The following PHACTR2 variants were observed in gnomAD, a reference collection of about 807,000 sequenced individuals.
PHACTR2 encodes phosphatase and actin regulator 2, also known as chromosome 6 open reading frame 56.
In PHACTR2, 30 loss-of-function variants were observed where a neutral mutation model predicts 76.0. That is an observed-to-expected ratio of 0.39 (90% CI 0.30 to 0.54). The LOEUF (loss-of-function observed/expected upper bound fraction) is 0.54. Ranked by LOEUF, PHACTR2 falls within the 20% of genes least tolerant of loss-of-function variation. The pLI, the probability that PHACTR2 is intolerant of heterozygous loss-of-function variation, is 0.61. For missense variants in PHACTR2, 696 were observed against 781.1 expected, an observed-to-expected ratio of 0.89 and a Z score of 1.30; for synonymous variants, 292 against 292.5, an observed-to-expected ratio of 1.00 and a Z score of 0.02.
In PHACTR2 at chr6:143,672,655, C is replaced by T. The variant is rs531096874; in HGVS notation, c.14-39361C>T. Among the ~76,000 whole-genome samples the T allele has an allele frequency of 9.9e-5, 15 of 152,266 alleles. No individual in the cohort carries two copies. Among genetic ancestry groups the T allele is most frequent in the African/African-American group, 3.6e-4 (15 of 41,560 alleles). ...GTAATTTGCTAAAGTTCAGAGCCTTCTCTGTACTAACCTACTGGGCATCCC... is the reference window on the plus strand; with the variant it reads ...GTAATTTGCTAAAGTTCAGAGCCTTTTCTGTACTAACCTACTGGGCATCCC... On this transcript the variant is annotated intron_variant, in intron 1 of 11. Coordinates refer to the PHACTR2 transcript ENST00000305766. This position sits in a 1 kb window ranked among gnomAD's most constrained non-coding sequence, Gnocchi z 5.8.
At chr6:143,804,116 T>G (rs187169494) in intron 11 of PHACTR2, among the ~76,000 whole-genome samples, 1 of 152,208 alleles carries the variant, frequency 6.6e-6, no homozygotes, top group Non-Finnish European at 1.5e-5. Context: ...TTCTGAGTTA[T>G]GAATTTGGGA....
intron 1 of PHACTR2, among the ~76,000 whole-genome samples, chr6:143,705,292 C>CT (rs1452225859): frequency 6.3e-5 from 7 of 111,938 alleles, no homozygotes; most frequent in African/African-American, 1.9e-4. Context: ...CTAATTTTTG[C>CT]ATTTTTTTTT....
chr6:143,816,351 T>C lies in PHACTR2; in HGVS notation c.1923-7323T>C, dbSNP rs1776295799. The stretch of plus-strand genomic sequence containing the variant: ...GAGTATTTTGCATTTTCAGTACCTC[T>C]AACCACAGCGTTTTAGAGCTGAATT... On this transcript the variant is annotated intron_variant, in intron 12 of 12. Transcript: ENST00000440869. This position sits in a 1 kb window ranked among gnomAD's most constrained non-coding sequence, Gnocchi z 4.5. 1.3e-5 allele frequency among the ~76,000 whole-genome samples: 2 copies of C among 152,202 alleles called. No homozygotes were observed. Among genetic ancestry groups the C allele is most frequent in the Admixed American group, 6.5e-5 (1 of 15,278 alleles).
rs1028729153 is a variant in PHACTR2, at chr6:143,549,312, G to A, written c.217+12105G>A. Among the ~76,000 whole-genome samples, 4 of 152,066 alleles carry A rather than the reference G, an allele frequency of 2.6e-5. No homozygotes were observed. Among genetic ancestry groups the A allele is most frequent in the African/African-American group, 7.2e-5 (3 of 41,440 alleles). On this transcript the variant is annotated intron_variant, in intron 1 of 11. Transcript: ENST00000367584. This position sits in a 1 kb window ranked among gnomAD's most constrained non-coding sequence, Gnocchi z 4.2. ...CAAACCCTTGCTTTCTGGGGATTAC[G>A]TCCCCAAGGGTGACCCTGGATTCAG...
intron 1 of PHACTR2, among the ~76,000 whole-genome samples, chr6:143,638,616 T>A (rs1175183705): frequency 6.6e-6 from 1 of 151,062 alleles, no homozygotes; most frequent in African/African-American, 2.4e-5. Flanking sequence ...TATCCAAGTT[T>A]TGAGCTAATT....
At chr6:143,637,479 T>C (rs940999025) in intron 1 of PHACTR2, among the ~76,000 whole-genome samples, 2 of 152,214 alleles carry the variant, frequency 1.3e-5, no homozygotes, top group African/African-American at 4.8e-5. Context: ...TTTGCGAAAT[T>C]GAAGTATATT....
Position 143,754,475 on chromosome 6 carries a change from C to T in PHACTR2, c.454+563C>T, listed in dbSNP as rs989564066. 1.3e-5 allele frequency among the ~76,000 whole-genome samples: 2 copies of T among 152,196 alleles called. No homozygotes were observed. The highest frequency in any genetic ancestry group is 2.9e-5 in the Non-Finnish European group (2 of 68,032). ...TGTGGTTGCTCTGCTGGCTGATTCC[C>T]ACAGCCTCTGTGCAATTGGAAACTT... On this transcript the variant is annotated intron_variant, in intron 4 of 12. Coordinates refer to ENST00000440869, the MANE Select transcript of PHACTR2 (RefSeq NM_001100164.2). This position sits in a 1 kb window ranked among gnomAD's most constrained non-coding sequence, Gnocchi z 6.2.
At chr6:143,756,624 G>T (rs1388352804) in intron 4 of PHACTR2, among the ~76,000 whole-genome samples, 1 of 151,096 alleles carries the variant, frequency 6.6e-6, no homozygotes. Context: ...GCGTGAACCC[G>T]GGAGGCGGAG....
rs71024875 is a variant in PHACTR2, at chr6:143,751,791, T to TACACACACACAC, written c.296-1940_296-1929dup. ...TCCTTTGCTCTGCTTGTATTTTACT[T>TACACACACACAC]ACACACACACACACACACACACACA... On this transcript the variant is annotated intron_variant, in intron 3 of 12. Coordinates refer to ENST00000440869, the MANE Select transcript of PHACTR2 (RefSeq NM_001100164.2). The surrounding 1 kb of genome is among the most constrained non-coding windows in gnomAD (Gnocchi z 5.7). Among the ~76,000 whole-genome samples, 24,315 of 139,988 alleles carry TACACACACACAC rather than the reference T, an allele frequency of 0.17. 2,445 individuals carry two copies. The highest frequency in any genetic ancestry group is 0.25 in the East Asian group (1,154 of 4,626). 91.8% of individuals were successfully genotyped at this position (139,988 alleles called of 152,430 possible). A position where few individuals can be genotyped will look rare whatever the true frequency, so the allele number is the denominator to read the frequency against.
intron 1 of PHACTR2, among the ~76,000 whole-genome samples, chr6:143,640,855 T>G (rs1033081994): frequency 1.3e-5 from 2 of 152,186 alleles, no homozygotes; most frequent in South Asian, 2.1e-4. Flanking sequence ...GATCTTAAGA[T>G]GAGATACTCC....
Position 143,595,861 on chromosome 6 carries a change from T to C in PHACTR2, c.217+58654T>C, listed in dbSNP as rs1226255301. Reference sequence around the variant, plus strand: ...CATGCTGATGGTGCTATTTAAACATTAATCCTTTAACCTTTTCCTTCTCCC... The same window carrying C: ...CATGCTGATGGTGCTATTTAAACATCAATCCTTTAACCTTTTCCTTCTCCC... On this transcript the variant is annotated intron_variant, in intron 1 of 11. Coordinates refer to the PHACTR2 transcript ENST00000367584. This position sits in a 1 kb window ranked among gnomAD's most constrained non-coding sequence, Gnocchi z 4.2. 6.6e-6 allele frequency among the ~76,000 whole-genome samples: 1 copy of C among 152,228 alleles called. No individual in the cohort carries two copies.
At chr6:143,628,233 G>C (rs1776293961) in intron 1 of PHACTR2, among the ~76,000 whole-genome samples, 1 of 152,190 alleles carries the variant, frequency 6.6e-6, no homozygotes, top group African/African-American at 2.4e-5. Flanking sequence ...TAGCTATCAT[G>C]AATAGTGCTG....
In PHACTR2 at chr6:143,553,009, C is replaced by T. The variant is rs1034990330; in HGVS notation, c.217+15802C>T. ...TGATGTCCAGCTGCCTGTCACTTGC[C>T]AGGTATTTAAGGAGTGAAATGAGCA... On this transcript the variant is annotated intron_variant, in intron 1 of 11. Coordinates refer to the PHACTR2 transcript ENST00000367584. This position sits in a 1 kb window ranked among gnomAD's most constrained non-coding sequence, Gnocchi z 4.2. 6.6e-6 allele frequency among the ~76,000 whole-genome samples: 1 copy of T among 151,938 alleles called. No homozygotes were observed. The highest frequency in any genetic ancestry group is 3.4e-3 in the Middle Eastern group (1 of 294).
upstream of PHACTR2, among the ~76,000 whole-genome samples, chr6:143,606,149 A>G (rs538631922): frequency 6.6e-6 from 1 of 152,186 alleles, no homozygotes; most frequent in Non-Finnish European, 1.5e-5. Flanking sequence ...AATATTAAAC[A>G]TTTCTGTAGC....
rs1402460945 is a variant in PHACTR2 at position 143,757,539 on chromosome 6, G to C, written c.455-2862G>C. The stretch of plus-strand genomic sequence containing the variant: ...TATCGTTGACCTCAAACCTTCCAGG[G>C]CTCAAAGGAGCCAAGCCTGGAAGTA... On this transcript the variant is annotated intron_variant, in intron 4 of 12. Transcript: ENST00000440869. The surrounding 1 kb of genome is among the most constrained non-coding windows in gnomAD (Gnocchi z 4.2). Among the ~76,000 whole-genome samples, 1 of 152,166 alleles carries C rather than the reference G, an allele frequency of 6.6e-6. No individual in the cohort carries two copies. Among genetic ancestry groups the C allele is most frequent in the African/African-American group, 2.4e-5 (1 of 41,442 alleles).
intron 1 of PHACTR2, among the ~76,000 whole-genome samples, chr6:143,707,585 A>G (rs1326073559): frequency 6.6e-6 from 1 of 152,232 alleles, no homozygotes; most frequent in African/African-American, 2.4e-5. Context: ...ATTAATATCT[A>G]AAATGTCATA....
Position 143,820,521 on chromosome 6 carries a change from G to T in PHACTR2, c.1923-3153G>T, listed in dbSNP as rs551915603. On this transcript the variant is annotated intron_variant, in intron 12 of 12. Coordinates refer to ENST00000440869, the MANE Select transcript of PHACTR2 (RefSeq NM_001100164.2). The surrounding 1 kb of genome is among the most constrained non-coding windows in gnomAD (Gnocchi z 4.2). ...AACAAGGCAGTTGTTAAATCATAAA[G>T]CTCCAAAATAATCTCCTCTGACTCC... is the stretch of plus-strand genomic sequence containing the variant. Among the ~76,000 whole-genome samples, 2 of 152,316 alleles carry T rather than the reference G, an allele frequency of 1.3e-5. No individual in the cohort carries two copies. Among genetic ancestry groups the T allele is most frequent in the East Asian group, 3.9e-4 (2 of 5,188 alleles).
Position 143,595,142 on chromosome 6 carries a change from C to T in PHACTR2, c.217+57935C>T, listed in dbSNP as rs146589093. ...ATTTAGACACCTTCATAAGGTGTGA[C>T]GCATTTGATGCAAAATATAGATGGA... On this transcript the variant is annotated intron_variant, in intron 1 of 11. Transcript: ENST00000367584. The surrounding 1 kb of genome is among the most constrained non-coding windows in gnomAD (Gnocchi z 4.2). 1.7e-3 allele frequency among the ~76,000 whole-genome samples: 259 copies of T among 152,210 alleles called. 1 individual carries two copies. Among genetic ancestry groups the T allele is most frequent in the African/African-American group, 6.0e-3 (250 of 41,526 alleles).
rs1189607098 is a variant in PHACTR2, at chr6:143,710,940, A to C, written c.47-1076A>C. On this transcript the variant is annotated intron_variant, in intron 1 of 12. Coordinates refer to ENST00000440869, the MANE Select transcript of PHACTR2 (RefSeq NM_001100164.2). This position sits in a 1 kb window ranked among gnomAD's most constrained non-coding sequence, Gnocchi z 4.9. ...ATCTGCCTTTTCCATCTATCTATCC[A>C]GTTATTATTTTTGACGGACATCAGT... 4.4e-6 allele frequency: 2 copies of C among 450,810 alleles called. No individual in the cohort carries two copies. The highest frequency in any genetic ancestry group is 8.6e-6 in the Non-Finnish European group (2 of 232,350). 27.9% of individuals were successfully genotyped at this position (450,810 alleles called of 1,614,324 possible).
Sources: allele counts gnomAD v4.1 joint callset (sites outside exome capture counted in the v4.1 genomes callset), GRCh38; gene constraint gnomAD v4.1.1; non-coding constraint Gnocchi (gnomAD v3.1); transcripts MANE v1.5; gene names NCBI Gene and HGNC (gene_info 2026-07-23, HGNC 2026-07-21).